TSEN15: variants seen among roughly 807,000 people sequenced by gnomAD.
TSEN15 encodes tRNA-splicing endonuclease subunit Sen15.
A neutral mutation model predicts 20.5 loss-of-function variants in TSEN15; 10 were observed. The observed-to-expected ratio is 0.49, with a 90% CI of 0.30 to 0.83. TSEN15 has a LOEUF of 0.83. Ranked by LOEUF, TSEN15 falls within the 40% of genes least tolerant of loss-of-function variation. TSEN15 has a pLI of 0.06. For synonymous variants in TSEN15, 72 were observed against 80.1 expected, an observed-to-expected ratio of 0.90 and a Z score of 0.54; for missense variants, 180 against 218.6, an observed-to-expected ratio of 0.82 and a Z score of 1.11.
At chr1:184,074,997 C>T (rs1341757025), downstream of TSEN15, among the ~76,000 whole-genome samples, 1 of 152,014 alleles carries the variant, frequency 6.6e-6, no homozygotes, top group African/African-American at 2.4e-5. Context: ...TTTCTTAAGT[C>T]TCTCGTTTGA....
intron 2 of TSEN15, 111 bp downstream of exon 2, chr1:184,054,546 G>C: frequency 8.4e-7 from 1 of 1,190,736 alleles, no homozygotes; most frequent in Non-Finnish European, 1.2e-6. Flanking sequence ...TGCATTTGCT[G>C]TTAATTTTGC....
intron 3 of TSEN15, among the ~76,000 whole-genome samples, chr1:184,064,571 C>T (rs12083790): frequency 0.17 from 25,521 of 151,652 alleles, 2,182 homozygotes; most frequent in Non-Finnish European, 0.19. Context: ...ACAAACAGCT[C>T]TCCTCCTGGG....
At chr1:184,053,788 A>G (rs1650140398) in intron 1 of TSEN15, among the ~76,000 whole-genome samples, 1 of 152,210 alleles carries the variant, frequency 6.6e-6, no homozygotes, top group Non-Finnish European at 1.5e-5. Context: ...TAGAGAGGCT[A>G]GGACTGATAC....
At chr1:184,062,659 G>A (rs1650509185) in intron 3 of TSEN15, among the ~76,000 whole-genome samples, 1 of 151,968 alleles carries the variant, frequency 6.6e-6, no homozygotes, top group Non-Finnish European at 1.5e-5. Flanking sequence ...TTGCAAATGG[G>A]AAAATATCTT....
chr1:184,095,500 T>C (rs557812199), intron 3 of TSEN15: 2 of 391,026 alleles, frequency 5.1e-6, no homozygotes, highest in South Asian at 1.4e-4. Context: ...TGATTGTTTT[T>C]GGAGTTAGGC....
chr1:184,068,207 C>T (rs989365526), intron 3 of TSEN15, among the ~76,000 whole-genome samples: 2 of 151,792 alleles, frequency 1.3e-5, no homozygotes, highest in Non-Finnish European at 2.9e-5. Flanking sequence ...TTTGGAACAT[C>T]TCTGAAGATA....
chr1:184,084,260 C>T (rs1651219613), intron 3 of TSEN15, among the ~76,000 whole-genome samples: 1 of 151,958 alleles, frequency 6.6e-6, no homozygotes, highest in Admixed American at 6.6e-5. Context: ...CAGGTTGCCA[C>T]CTTGGGAGAG....
chr1:184,092,911 C>T (rs1651385603), intron 3 of TSEN15, among the ~76,000 whole-genome samples: 1 of 152,180 alleles, frequency 6.6e-6, no homozygotes, highest in South Asian at 2.1e-4. Flanking sequence ...TTTTTATTGT[C>T]TCTTGTGTTT....
At chr1:184,093,716 T>C (rs1201723173) in intron 3 of TSEN15, 2 of 152,200 alleles carry the variant, frequency 1.3e-5, no homozygotes, top group Non-Finnish European at 2.9e-5. Flanking sequence ...AACGTCTTCA[T>C]TGATTCAGGT....
At chr1:184,067,783 G>A (rs2102890123) in intron 3 of TSEN15, among the ~76,000 whole-genome samples, 1 of 151,604 alleles carries the variant, frequency 6.6e-6, no homozygotes, top group South Asian at 2.1e-4. Context: ...GCTGGATGTG[G>A]TGGTGTGTGC....
intron 3 of TSEN15, among the ~76,000 whole-genome samples, chr1:184,055,759 ATTAG>A (rs1230367455): frequency 6.6e-6 from 1 of 152,134 alleles, no homozygotes; most frequent in Non-Finnish European, 1.5e-5. Flanking sequence ...TACTCTCATT[ATTAG>A]TTCATGCTTG....
rs142595958 is a variant in TSEN15, at chr1:184,052,925, C to T, written c.135+1035C>T. 5.7e-3 allele frequency among the ~76,000 whole-genome samples: 861 copies of T among 152,214 alleles called. 6 individuals carry two copies. The highest frequency in any genetic ancestry group is 0.02 in the African/African-American group (813 of 41,548). On this transcript the variant is annotated intron_variant, in intron 1 of 4. Transcript: ENST00000645668. Reference sequence around the variant, plus strand: ...GACAAGTTGCTTGATCTTATTATGCCTTAGTTTCCTCACCTGAAAAATGGG... The same window carrying T: ...GACAAGTTGCTTGATCTTATTATGCTTTAGTTTCCTCACCTGAAAAATGGG...
At chr1:184,079,929 AG>A (rs1651131139) in intron 3 of TSEN15, among the ~76,000 whole-genome samples, 1 of 152,204 alleles carries the variant, frequency 6.6e-6, no homozygotes. Context: ...ACCTGTTGTT[AG>A]TGTGAATTGA....
chr1:184,070,415 T>A (rs1650839566), intron 3 of TSEN15, among the ~76,000 whole-genome samples: 1 of 152,058 alleles, frequency 6.6e-6, no homozygotes, highest in African/African-American at 2.4e-5. Context: ...TTGAAGTGGC[T>A]TTATGTGCAT....
chr1:184,058,227 G>A, intron 3 of TSEN15: 1 of 420,618 alleles, frequency 2.4e-6, no homozygotes, highest in South Asian at 1.8e-5. Flanking sequence ...AGAATTAGTT[G>A]GAATGATAAC....
intron 3 of TSEN15, chr1:184,070,655 T>A: frequency 5.4e-6 from 7 of 1,290,898 alleles, no homozygotes; most frequent in Non-Finnish European, 6.1e-6. Flanking sequence ...AATACTTAGC[T>A]ACATTAAAAG....
At chr1:184,063,470 G>A (rs780354358) in intron 3 of TSEN15, among the ~76,000 whole-genome samples, 1 of 152,184 alleles carries the variant, frequency 6.6e-6, no homozygotes, top group Non-Finnish European at 1.5e-5. Flanking sequence ...GAATGTCAGA[G>A]CCAAAGTTAG....
intron 3 of TSEN15, among the ~76,000 whole-genome samples, chr1:184,083,327 A>G (rs1651203543): frequency 6.6e-6 from 1 of 152,230 alleles, no homozygotes; most frequent in Non-Finnish European, 1.5e-5. Flanking sequence ...ATGCTACAAG[A>G]TCCCTTATAT....
intron 3 of TSEN15, among the ~76,000 whole-genome samples, chr1:184,058,810 A>G (rs1180467847): frequency 6.6e-6 from 1 of 152,184 alleles, no homozygotes; most frequent in African/African-American, 2.4e-5. Context: ...TTACTTATTC[A>G]GTGATAAAAC....
Sources: allele counts gnomAD v4.1 joint callset (sites outside exome capture counted in the v4.1 genomes callset), GRCh38; gene constraint gnomAD v4.1.1; transcripts MANE v1.5; gene names NCBI Gene and HGNC (gene_info 2026-07-23, HGNC 2026-07-21).